Variants in SV2B observed in about 807,000 individuals in gnomAD.
SV2B encodes the protein solute carrier family 22 member B2.
SV2B carries 41 observed loss-of-function variants against 73.9 expected under a neutral mutation model. The ratio of observed to expected loss-of-function variants is 0.56; its 90% CI spans 0.43 to 0.72. The LOEUF is 0.72. Ranked by LOEUF, SV2B falls within the 30% of genes least tolerant of loss-of-function variation. SV2B has a pLI of 0.00. For synonymous variants in SV2B, 314 were observed against 314.2 expected (o/e 1.00, Z 0.01); for missense variants, 764 against 857.8 (o/e 0.89, Z 1.37).
chr15:91,296,965 A>AGCACGCTCCTTCTGCCCGATCGTTGGGT lies in SV2B; in HGVS notation c.*4440_*4441insTGCACGCTCCTTCTGCCCGATCGTTGGG, dbSNP rs2049270050. On this transcript the variant is annotated 3_prime_UTR_variant, in exon 13 of 13. Coordinates refer to ENST00000394232, the MANE Select transcript of SV2B (RefSeq NM_001323032.3). Reference sequence around the variant, plus strand: ...ACGCTCATTCTGCCCGATTGTTGGGAGCACGCTCCTTCTGCCCGATCGTTG... The same window carrying AGCACGCTCCTTCTGCCCGATCGTTGGGT: ...ACGCTCATTCTGCCCGATTGTTGGGAGCACGCTCCTTCTGCCCGATCGTTGGGTGCACGCTCCTTCTGCCCGATCGTTG... The AGCACGCTCCTTCTGCCCGATCGTTGGGT allele has an allele frequency of 2.5e-4, 27 of 109,736 alleles. 1 individual carries two copies. Among genetic ancestry groups the AGCACGCTCCTTCTGCCCGATCGTTGGGT allele is most frequent in the African/African-American group, 7.2e-4 (18 of 25,088 alleles). The allele number at this position is 109,736 out of a possible 1,614,324, so 6.8% of individuals were successfully genotyped here. A position where few individuals can be genotyped will look rare whatever the true frequency, so the allele number is the denominator to read the frequency against.
At chr15:91,185,225 A>G (rs2044725905) in intron 1 of SV2B, among the ~76,000 whole-genome samples, 6 of 152,236 alleles carry the variant, frequency 3.9e-5, no homozygotes. Flanking sequence ...ACATGCCACC[A>G]CACCCAGCTA....
chr15:91,273,844 G>C (rs2048396141), intron 9 of SV2B, among the ~76,000 whole-genome samples: 2 of 152,040 alleles, frequency 1.3e-5, no homozygotes, highest in African/African-American at 4.8e-5. Flanking sequence ...TCATAAGTTT[G>C]GTGCTTTACA....
chr15:91,238,652 C>T (rs753092638), intron 2 of SV2B, among the ~76,000 whole-genome samples: 2 of 152,236 alleles, frequency 1.3e-5, no homozygotes, highest in African/African-American at 4.8e-5. Context: ...GTTTGTGTCT[C>T]AGCCAGTGGG....
At chr15:91,153,473 G>T (rs1186593185) in intron 1 of SV2B, among the ~76,000 whole-genome samples, 3 of 152,096 alleles carry the variant, frequency 2.0e-5, no homozygotes, top group African/African-American at 7.2e-5. Context: ...CTTCCCCAAG[G>T]CTCAATTTCC....
In SV2B at chr15:91,294,635, T is replaced by C. The variant is rs1489198849; in HGVS notation, c.*2083T>C. ...TCTGGGATTACCACATCTAAAACAT[T>C]ATTCTTTAATGGGATAATACAATTC... On this transcript the variant is annotated 3_prime_UTR_variant, in exon 13 of 13. Coordinates refer to ENST00000394232, the MANE Select transcript of SV2B (RefSeq NM_001323032.3). The surrounding 1 kb of genome is among the most constrained non-coding windows in gnomAD (Gnocchi z 4.1). 2.0e-5 allele frequency: 3 copies of C among 152,240 alleles called. No homozygotes were observed. Among genetic ancestry groups the C allele is most frequent in the Non-Finnish European group, 4.4e-5 (3 of 68,048 alleles). The allele number at this position is 152,240 out of a possible 1,614,324, so 9.4% of individuals were successfully genotyped here.
rs2046498173 is a variant in SV2B, at chr15:91,229,652, A to G, written c.451+2938A>G. 6.6e-6 allele frequency among the ~76,000 whole-genome samples: 1 copy of G among 152,170 alleles called. No homozygotes were observed. The highest frequency in any genetic ancestry group is 2.4e-5 in the African/African-American group (1 of 41,434). ...TCTACTTCATAGGATTATTCTGAGG[A>G]CTAAATAAGGTTAATCCATTTAACA... is the stretch of plus-strand genomic sequence containing the variant. On this transcript the variant is annotated intron_variant, in intron 2 of 12. Coordinates refer to ENST00000394232, the MANE Select transcript of SV2B (RefSeq NM_001323032.3). The surrounding 1 kb of genome is among the most constrained non-coding windows in gnomAD (Gnocchi z 4.3).
rs2048682982 is a variant in SV2B at position 91,281,573 on chromosome 15, C to T, written c.1374-155C>T. Among the ~76,000 whole-genome samples, 1 of 152,208 alleles carries T rather than the reference C, an allele frequency of 6.6e-6. No homozygotes were observed. Among genetic ancestry groups the T allele is most frequent in the Non-Finnish European group, 1.5e-5 (1 of 68,046 alleles). ...AAGCCCTTCCCCACTAATAAACAAA[C>T]AGCTAAGAAGTGGGGAAGTGGTCTG... On this transcript the variant is annotated intron_variant, in intron 9 of 12. Transcript: ENST00000394232. This position sits in a 1 kb window ranked among gnomAD's most constrained non-coding sequence, Gnocchi z 4.7.
At chr15:91,134,505 G>C (rs1349276887) in intron 1 of SV2B, among the ~76,000 whole-genome samples, 2 of 152,176 alleles carry the variant, frequency 1.3e-5, no homozygotes, top group Admixed American at 6.5e-5. Flanking sequence ...ACCTGCAAGA[G>C]AGCGAAAAGG....
At position 91,300,420 on chromosome 15, in the gene SV2B, A is replaced by G. The variant is rs1038895647; in HGVS notation, c.*7868A>G. 7.2e-5 allele frequency: 11 copies of G among 152,232 alleles called. No homozygotes were observed. 9.4% of individuals were successfully genotyped at this position (152,232 alleles called of 1,614,324 possible). A position where few individuals can be genotyped will look rare whatever the true frequency, so the allele number is the denominator to read the frequency against. On this transcript the variant is annotated 3_prime_UTR_variant, in exon 13 of 13. Coordinates refer to ENST00000394232, the MANE Select transcript of SV2B (RefSeq NM_001323032.3). ...TTAAGGTGCAGGGAAGGGCTCTTAA[A>G]AGTTTAATGTTTCAGCTTTCCATAG...
intron 1 of SV2B, among the ~76,000 whole-genome samples, chr15:91,184,841 CTTAAG>C: frequency 6.6e-6 from 1 of 152,290 alleles, no homozygotes; most frequent in South Asian, 2.1e-4. Context: ...ACCATGTTGT[CTTAAG>C]TTTTCTCAGG....
chr15:91,112,819 T>C (rs1192753357), intron 1 of SV2B, among the ~76,000 whole-genome samples: 1 of 152,200 alleles, frequency 6.6e-6, no homozygotes, highest in African/African-American at 2.4e-5. Flanking sequence ...TTTTGAATTC[T>C]ATTCTTTCTC....
At chr15:91,186,348 A>G (rs1380090100) in intron 1 of SV2B, among the ~76,000 whole-genome samples, 1 of 152,240 alleles carries the variant, frequency 6.6e-6, no homozygotes, top group Admixed American at 6.5e-5. Context: ...AGCAAAAATT[A>G]TATATAAAAC....
At chr15:91,291,522 A>G (rs1233515243) in intron 12 of SV2B, among the ~76,000 whole-genome samples, 1 of 152,256 alleles carries the variant, frequency 6.6e-6, no homozygotes, top group Non-Finnish European at 1.5e-5. Flanking sequence ...GTCATGAAAG[A>G]ATAAATGATT....
rs1384686555 is a variant in SV2B, at chr15:91,245,492, G to A, written c.452-6327G>A. On this transcript the variant is annotated intron_variant, in intron 2 of 12. Coordinates refer to ENST00000394232, the MANE Select transcript of SV2B (RefSeq NM_001323032.3). This position sits in a 1 kb window ranked among gnomAD's most constrained non-coding sequence, Gnocchi z 4.2. ...TCTCTGAGTGGTGGTATGATGAATA[G>A]ATTATTGCTTTACCTTTTATACATT... Among the ~76,000 whole-genome samples, 1 of 152,192 alleles carries A rather than the reference G, an allele frequency of 6.6e-6. No individual in the cohort carries two copies. The highest frequency in any genetic ancestry group is 1.9e-4 in the East Asian group (1 of 5,200).
intron 1 of SV2B, among the ~76,000 whole-genome samples, chr15:91,169,491 C>T (rs913335059): frequency 4.0e-5 from 6 of 150,520 alleles, no homozygotes; most frequent in Admixed American, 2.0e-4. Flanking sequence ...CCTGCTTCTC[C>T]TTCCTAACTG....
chr15:91,270,708 G>A (rs533080385), intron 9 of SV2B, among the ~76,000 whole-genome samples: 28 of 152,264 alleles, frequency 1.8e-4, no homozygotes, highest in Middle Eastern at 3.4e-3. Flanking sequence ...CAGCTTCTCC[G>A]GGCTTTCAGC....
intron 2 of SV2B, among the ~76,000 whole-genome samples, chr15:91,247,886 AC>A (rs1306336729): frequency 6.6e-6 from 1 of 152,192 alleles, no homozygotes; most frequent in Non-Finnish European, 1.5e-5. Context: ...TCATAACTGC[AC>A]AGTGTTCATT....
chr15:91,133,481 T>A (rs2042719763), intron 1 of SV2B, among the ~76,000 whole-genome samples: 1 of 151,344 alleles, frequency 6.6e-6, no homozygotes, highest in Non-Finnish European at 1.5e-5. Flanking sequence ...TTGGAGGGAG[T>A]GTTAAATTAT....
intron 1 of SV2B, among the ~76,000 whole-genome samples, chr15:91,131,089 A>T (rs188741938): frequency 6.7e-6 from 1 of 149,278 alleles, no homozygotes; most frequent in Admixed American, 6.7e-5. Flanking sequence ...TGAACTAGCG[A>T]GTGAGGTCAG....
Sources: allele counts gnomAD v4.1 joint callset (sites outside exome capture counted in the v4.1 genomes callset), GRCh38; gene constraint gnomAD v4.1.1; non-coding constraint Gnocchi (gnomAD v3.1); transcripts MANE v1.5; gene names NCBI Gene and HGNC (gene_info 2026-07-23, HGNC 2026-07-21).